CNOT4: variants seen among roughly 807,000 people sequenced by gnomAD.
CNOT4 encodes CCR4-associated factor 4.
In CNOT4, 8 loss-of-function variants were observed where a neutral mutation model predicts 73.8. The observed-to-expected ratio is 0.11, with a 90% confidence interval of 0.06 to 0.20. The LOEUF is 0.20. Among genes scored for constraint, CNOT4 ranks in the 10% least tolerant of loss-of-function variants. The pLI is 1.00. For missense variants in CNOT4, 564 were observed against 883.4 expected (o/e 0.64, Z 4.58); for synonymous variants, 293 against 321.1 (o/e 0.91, Z 0.94).
chr7:135,477,821 T>C (rs1032402292), intron 1 of CNOT4, among the ~76,000 whole-genome samples: 3 of 152,168 alleles, frequency 2.0e-5, no homozygotes, highest in Non-Finnish European at 2.9e-5. Flanking sequence ...AATAAATTCA[T>C]GGAAATTACC....
intron 10 of CNOT4, among the ~76,000 whole-genome samples, chr7:135,367,338 C>A (rs1431819437): frequency 6.6e-6 from 1 of 152,080 alleles, no homozygotes; most frequent in Non-Finnish European, 1.5e-5. Flanking sequence ...TTATACAGGA[C>A]TTCACACTGG....
intron 1 of CNOT4, among the ~76,000 whole-genome samples, chr7:135,447,878 G>T (rs1390892104): frequency 6.6e-6 from 1 of 152,186 alleles, no homozygotes; most frequent in African/African-American, 2.4e-5. Flanking sequence ...ATCTGGCTAA[G>T]AAGCAATTTA....
intron 3 of CNOT4, among the ~76,000 whole-genome samples, chr7:135,421,094 G>A (rs111415867): frequency 0.039 from 5,882 of 152,044 alleles, 392 homozygotes; most frequent in African/African-American, 0.13. Flanking sequence ...CCTGACTTTC[G>A]CGGGGTCAAA....
chr7:135,374,013 G>A (rs569822882), intron 10 of CNOT4, among the ~76,000 whole-genome samples: 81 of 152,316 alleles, frequency 5.3e-4, no homozygotes, highest in African/African-American at 1.6e-3. Context: ...GAAATAATGC[G>A]TAGCATTTTG....
At chr7:135,414,253 G>C (rs1346835599) in intron 5 of CNOT4, 78 bp downstream of exon 5, 1 of 631,748 alleles carries the variant, frequency 1.6e-6, no homozygotes, top group Non-Finnish European at 2.8e-6. Context: ...ATATATAAAT[G>C]CTCAGTTCTC....
intron 2 of CNOT4, 98 bp downstream of exon 2, chr7:135,438,060 G>A (rs1799266380): frequency 3.1e-6 from 2 of 653,164 alleles, no homozygotes; most frequent in Admixed American, 2.5e-5. Flanking sequence ...AATCAGGTGA[G>A]GTTTGCACAG....
intron 1 of CNOT4, among the ~76,000 whole-genome samples, chr7:135,475,389 A>G (rs778456666): frequency 1.3e-5 from 2 of 152,210 alleles, no homozygotes; most frequent in Admixed American, 6.5e-5. Context: ...AAAATTGATG[A>G]TTACAGAATT....
chr7:135,401,720 T>C (rs1797011298), intron 7 of CNOT4, among the ~76,000 whole-genome samples: 1 of 151,956 alleles, frequency 6.6e-6, no homozygotes, highest in Non-Finnish European at 1.5e-5. Context: ...GCAGATAATA[T>C]AAACTGAACT....
At chr7:135,438,962 A>G (rs192188078) in intron 1 of CNOT4, among the ~76,000 whole-genome samples, 3 of 152,354 alleles carry the variant, frequency 2.0e-5, no homozygotes, top group Admixed American at 1.3e-4. Flanking sequence ...ACAACTAATT[A>G]TGTAATAACA....
intron 1 of CNOT4, among the ~76,000 whole-genome samples, chr7:135,472,904 G>A (rs1801729670): frequency 6.6e-6 from 1 of 151,928 alleles, no homozygotes; most frequent in African/African-American, 2.4e-5. Flanking sequence ...AGTCAGGCAT[G>A]GTGGCATATG....
At chr7:135,469,685 A>G (rs1275100334) in intron 1 of CNOT4, among the ~76,000 whole-genome samples, 4 of 152,198 alleles carry the variant, frequency 2.6e-5, no homozygotes, top group South Asian at 2.1e-4. Flanking sequence ...TTTTAAACAT[A>G]TATTTCCTAT....
chr7:135,503,615 G>A (rs558457313), intron 1 of CNOT4, among the ~76,000 whole-genome samples: 4 of 152,082 alleles, frequency 2.6e-5, no homozygotes, highest in African/African-American at 4.8e-5. Flanking sequence ...TACTAATAAC[G>A]TCTTTATATC....
intron 1 of CNOT4, among the ~76,000 whole-genome samples, chr7:135,439,838 T>TATAACTAAAG (rs1563051461): frequency 1.3e-5 from 2 of 152,166 alleles, no homozygotes; most frequent in Non-Finnish European, 2.9e-5. Flanking sequence ...TGCTAAAATG[T>TATAACTAAAG]ATAACTAAAG....
chr7:135,398,793 T>C (rs1796844406), intron 7 of CNOT4, among the ~76,000 whole-genome samples: 1 of 152,096 alleles, frequency 6.6e-6, no homozygotes, highest in African/African-American at 2.4e-5. Flanking sequence ...GATAAACATA[T>C]TCCCCATTTC....
chr7:135,454,708 G>A lies in CNOT4; in HGVS notation c.-92-16285C>T, dbSNP rs111332079. On this transcript the variant is annotated intron_variant, in intron 1 of 11. Transcript: ENST00000541284. ...GGAGCTTGAGACCAGCCTGGGCAAC[G>A]TGGTGAAACTCCATCTCTACAAAAA... Among the ~76,000 whole-genome samples the A allele has an allele frequency of 6.6e-5, 10 of 151,496 alleles. 1 individual carries two copies. Among genetic ancestry groups the A allele is most frequent in the African/African-American group, 2.2e-4 (9 of 41,314 alleles).
intron 10 of CNOT4, among the ~76,000 whole-genome samples, chr7:135,369,266 T>C (rs1174226401): frequency 6.6e-6 from 1 of 152,216 alleles, no homozygotes; most frequent in Non-Finnish European, 1.5e-5. Context: ...ACAATTCCAG[T>C]AGATTTGTTT....
chr7:135,447,637 C>T (rs1799912126), intron 1 of CNOT4, among the ~76,000 whole-genome samples: 1 of 152,152 alleles, frequency 6.6e-6, no homozygotes, highest in African/African-American at 2.4e-5. Context: ...CCAGAGATAG[C>T]TGGGAATCTC....
At chr7:135,485,602 G>A (rs1214701868) in intron 1 of CNOT4, among the ~76,000 whole-genome samples, 1 of 152,132 alleles carries the variant, frequency 6.6e-6, no homozygotes, top group Admixed American at 6.6e-5. Context: ...ACACAAATAT[G>A]CCCAAATGAT....
At chr7:135,461,196 T>C (rs1800850990) in intron 1 of CNOT4, among the ~76,000 whole-genome samples, 1 of 152,204 alleles carries the variant, frequency 6.6e-6, no homozygotes, top group Admixed American at 6.5e-5. Context: ...GATTCTTAGC[T>C]ACATTTAAGA....
Sources: gnomAD v4.1 joint callset for allele counts (sites outside exome capture counted in the v4.1 genomes callset) on GRCh38, gnomAD v4.1.1 for gene constraint, MANE v1.5 for transcripts, NCBI Gene and HGNC (gene_info 2026-07-23, HGNC 2026-07-21) for gene names.